Variants in KCNQ1OT1 observed in about 807,000 individuals in gnomAD.
KCNQ1OT1 encodes KCNQ1 opposite strand/antisense transcript 1.
rs1032259779 is a variant in KCNQ1OT1, at chr11:2,670,309, T to C, written n.29686A>G. On this transcript the variant is annotated non_coding_transcript_exon_variant, in exon 1 of 1. Transcript: ENST00000597346. The surrounding 1 kb of genome is among the most constrained non-coding windows in gnomAD (Gnocchi z 4.9). The stretch of plus-strand genomic sequence containing the variant: ...AACCCATAGGTGCCCAATGGAGAGA[T>C]AATCTCAAATATGGTAGCAGAGTTC... 1.3e-5 allele frequency: 5 copies of C among 398,454 alleles called. No individual in the cohort carries two copies. Among genetic ancestry groups the C allele is most frequent in the African/African-American group, 2.1e-5 (1 of 48,588 alleles). 24.7% of individuals were successfully genotyped at this position (398,454 alleles called of 1,614,324 possible). A position where few individuals can be genotyped will look rare whatever the true frequency, so the allele number is the denominator to read the frequency against.
exon 1 of KCNQ1OT1, chr11:2,660,320 C>T (rs1467658352): frequency 2.5e-6 from 1 of 398,278 alleles, no homozygotes; most frequent in African/African-American, 2.1e-5. Flanking sequence ...ACATACAACA[C>T]ATTCAAATAG....
chr11:2,675,571 A>C (rs553246219), exon 1 of KCNQ1OT1: 26 of 398,674 alleles, frequency 6.5e-5, no homozygotes, highest in African/African-American at 4.9e-4. Flanking sequence ...CATACGTAAC[A>C]GTTTCACTTC....
chr11:2,677,827 C>T lies in KCNQ1OT1; in HGVS notation n.22168G>A, dbSNP rs564239017. 1 of 398,486 alleles carries T rather than the reference C, an allele frequency of 2.5e-6. No homozygotes were observed. Among genetic ancestry groups the T allele is most frequent in the African/African-American group, 2.1e-5 (1 of 48,730 alleles). 24.7% of individuals were successfully genotyped at this position (398,486 alleles called of 1,614,324 possible). A position where few individuals can be genotyped will look rare whatever the true frequency, so the allele number is the denominator to read the frequency against. On this transcript the variant is annotated non_coding_transcript_exon_variant, in exon 1 of 1. Transcript: ENST00000597346. The surrounding 1 kb of genome is among the most constrained non-coding windows in gnomAD (Gnocchi z 4.5). The stretch of plus-strand genomic sequence containing the variant: ...ATGTTCATTTATGTTGTGATAGATA[C>T]TGCCAAATAAGGGCTGTACCATTTA...
exon 1 of KCNQ1OT1, chr11:2,692,634 C>A: frequency 2.5e-6 from 1 of 398,724 alleles, no homozygotes; most frequent in South Asian, 1.3e-4. Flanking sequence ...TGCTCCCAGG[C>A]CTCAGCACTC....
At position 2,657,155 on chromosome 11, in the gene KCNQ1OT1, C is replaced by G. The variant is rs548819496; in HGVS notation, n.42840G>C. 1 of 398,656 alleles carries G rather than the reference C, an allele frequency of 2.5e-6. No individual in the cohort carries two copies. The highest frequency in any genetic ancestry group is 2.1e-5 in the African/African-American group (1 of 48,764). 24.7% of individuals were successfully genotyped at this position (398,656 alleles called of 1,614,324 possible). A position where few individuals can be genotyped will look rare whatever the true frequency, so the allele number is the denominator to read the frequency against. On this transcript the variant is annotated non_coding_transcript_exon_variant, in exon 1 of 1. Coordinates refer to ENST00000597346, the Ensembl canonical transcript of KCNQ1OT1. The surrounding 1 kb of genome is among the most constrained non-coding windows in gnomAD (Gnocchi z 4.8). The stretch of plus-strand genomic sequence containing the variant: ...GAAGAAGTACTGATGTTTGGTACAG[C>G]AAGTTCTCCCACCTTGTTCTTCTTC...
chr11:2,645,017 C>G lies in KCNQ1OT1; in HGVS notation n.54978G>C, dbSNP rs1564843546. On this transcript the variant is annotated non_coding_transcript_exon_variant, in exon 1 of 1. Coordinates refer to ENST00000597346, the Ensembl canonical transcript of KCNQ1OT1. The surrounding 1 kb of genome is among the most constrained non-coding windows in gnomAD (Gnocchi z 5.8). Reference sequence around the variant, plus strand: ...CCAGTGTTAGCAAGTCCAGGGAAACCAATTTTGGGCCTCCAGGCAACTTGC... The same window carrying G: ...CCAGTGTTAGCAAGTCCAGGGAAACGAATTTTGGGCCTCCAGGCAACTTGC... The G allele has an allele frequency of 5.0e-6, 2 of 398,542 alleles. No individual in the cohort carries two copies. Among genetic ancestry groups the G allele is most frequent in the Non-Finnish European group, 8.8e-6 (2 of 226,144 alleles). 24.7% of individuals were successfully genotyped at this position (398,542 alleles called of 1,614,324 possible). A position where few individuals can be genotyped will look rare whatever the true frequency, so the allele number is the denominator to read the frequency against.
Position 2,628,389 on chromosome 11 carries a change from G to A in KCNQ1OT1, n.71606C>T, listed in dbSNP as rs186650003. On this transcript the variant is annotated non_coding_transcript_exon_variant, in exon 1 of 1. Transcript: ENST00000597346. ...CATTTGCATTTCCCTGATGATAAGT[G>A]ATGTTAAGCACCTTTTTATATACCT... The A allele has an allele frequency of 1.1e-3, 451 of 398,442 alleles. 10 individuals are homozygous for A. The South Asian group carries it at 0.022, about 20-fold the overall frequency. The allele number at this position is 398,442 out of a possible 1,614,324, so 24.7% of individuals were successfully genotyped here.
chr11:2,678,885 A>T lies in KCNQ1OT1; in HGVS notation n.21110T>A, dbSNP rs1850339598. ...CAGGAGTTGCCAGCTGGACCCAAGG[A>T]CCATTTCGTATACATGTATGATCAT... On this transcript the variant is annotated non_coding_transcript_exon_variant, in exon 1 of 1. Coordinates refer to ENST00000597346, the Ensembl canonical transcript of KCNQ1OT1. This position sits in a 1 kb window ranked among gnomAD's most constrained non-coding sequence, Gnocchi z 4.9. 3.5e-5 allele frequency: 14 copies of T among 398,592 alleles called. No individual in the cohort carries two copies. The East Asian group carries it at 5.0e-4, about 14-fold the overall frequency. The allele number at this position is 398,592 out of a possible 1,614,324, so 24.7% of individuals were successfully genotyped here. A position where few individuals can be genotyped will look rare whatever the true frequency, so the allele number is the denominator to read the frequency against.
exon 1 of KCNQ1OT1, chr11:2,629,129 A>T (rs961116135): frequency 2.5e-6 from 1 of 398,118 alleles, no homozygotes; most frequent in Admixed American, 4.4e-5. Flanking sequence ...TCTGTGAAAA[A>T]AAGTCACTGG....
rs1003605919 is a variant in KCNQ1OT1 at position 2,656,929 on chromosome 11, T to C, written n.43066A>G. 4 of 398,536 alleles carry C rather than the reference T, an allele frequency of 1.0e-5. No homozygotes were observed. In the Admixed American group the frequency reaches 1.8e-4, roughly 18 times the overall value. The allele number at this position is 398,536 out of a possible 1,614,324, so 24.7% of individuals were successfully genotyped here. ...TGAGGTAATTAAGGGTCCAACTTAA[T>C]GTTTTTCCAGTGTGGGTATCCAACT... On this transcript the variant is annotated non_coding_transcript_exon_variant, in exon 1 of 1. Coordinates refer to ENST00000597346, the Ensembl canonical transcript of KCNQ1OT1.
chr11:2,662,631 G>A (rs1045512044), exon 1 of KCNQ1OT1: 12 of 409,394 alleles, frequency 2.9e-5, no homozygotes, highest in Admixed American at 8.0e-5. Context: ...AATCCCCGGT[G>A]CCCGGCCACG....
rs1032063883 is a variant in KCNQ1OT1 at position 2,674,471 on chromosome 11, C to G, written n.25524G>C. On this transcript the variant is annotated non_coding_transcript_exon_variant, in exon 1 of 1. Transcript: ENST00000597346. This position sits in a 1 kb window ranked among gnomAD's most constrained non-coding sequence, Gnocchi z 5.9. ...GCACGTGGGGAGGAGGGCTGCCTGTCGAGATGTGTAAGATGGCCCCAGTGT... is the reference window on the plus strand; with the variant it reads ...GCACGTGGGGAGGAGGGCTGCCTGTGGAGATGTGTAAGATGGCCCCAGTGT... The G allele has an allele frequency of 3.8e-5, 15 of 398,450 alleles. No homozygotes were observed. The highest frequency in any genetic ancestry group is 2.2e-5 in the Non-Finnish European group (5 of 226,110). 24.7% of individuals were successfully genotyped at this position (398,450 alleles called of 1,614,324 possible).
exon 1 of KCNQ1OT1, chr11:2,632,173 ACT>A (rs1262705346): frequency 2.8e-6 from 1 of 361,156 alleles, no homozygotes; most frequent in African/African-American, 2.7e-5. Context: ...ACAGACCAAG[ACT>A]CTGCCTCAAA....
exon 1 of KCNQ1OT1, chr11:2,665,700 A>G (rs1850055462): frequency 1.0e-5 from 4 of 398,234 alleles, no homozygotes; most frequent in African/African-American, 8.3e-5. Flanking sequence ...GGAGAAGGGC[A>G]TGTATAGCCC....
chr11:2,629,446 G>A (rs1849316502), exon 1 of KCNQ1OT1: 1 of 398,272 alleles, frequency 2.5e-6, no homozygotes, highest in African/African-American at 2.1e-5. Context: ...TTTCTTCTAA[G>A]AGTTTTATAG....
rs1337073239 is a variant in KCNQ1OT1 at position 2,679,592 on chromosome 11, G to A, written n.20403C>T. The A allele has an allele frequency of 2.5e-6, 1 of 398,514 alleles. No individual in the cohort carries two copies. Among genetic ancestry groups the A allele is most frequent in the Admixed American group, 4.4e-5 (1 of 22,718 alleles). The allele number at this position is 398,514 out of a possible 1,614,324, so 24.7% of individuals were successfully genotyped here. A position where few individuals can be genotyped will look rare whatever the true frequency, so the allele number is the denominator to read the frequency against. Reference sequence around the variant, plus strand: ...GCAATTCACAGTGCCTGACAAAGCTGATGGGGAGGCGAGTTGGAATGAATA... The same window carrying A: ...GCAATTCACAGTGCCTGACAAAGCTAATGGGGAGGCGAGTTGGAATGAATA... On this transcript the variant is annotated non_coding_transcript_exon_variant, in exon 1 of 1. Transcript: ENST00000597346. The surrounding 1 kb of genome is among the most constrained non-coding windows in gnomAD (Gnocchi z 4.8).
chr11:2,613,674 G>A lies in KCNQ1OT1; in HGVS notation n.86321C>T, dbSNP rs1849016583. On this transcript the variant is annotated non_coding_transcript_exon_variant, in exon 1 of 1. Coordinates refer to ENST00000597346, the Ensembl canonical transcript of KCNQ1OT1. This position sits in a 1 kb window ranked among gnomAD's most constrained non-coding sequence, Gnocchi z 4.8. ...AGGTGCTCATTCCACCACCTCAGAA[G>A]TGGTCCCTATCTTGTTAATTTTATT... is the stretch of plus-strand genomic sequence containing the variant. 5.0e-6 allele frequency: 2 copies of A among 398,520 alleles called. No individual in the cohort carries two copies. Among genetic ancestry groups the A allele is most frequent in the Non-Finnish European group, 8.8e-6 (2 of 226,034 alleles). 24.7% of individuals were successfully genotyped at this position (398,520 alleles called of 1,614,324 possible).
exon 1 of KCNQ1OT1, chr11:2,637,637 A>G (rs914084956): frequency 6.6e-6 from 1 of 152,154 alleles, no homozygotes; most frequent in Non-Finnish European, 1.5e-5. Flanking sequence ...GTGCGATGTG[A>G]TGCTGAGAAG....
chr11:2,653,860 G>A lies in KCNQ1OT1; in HGVS notation n.46135C>T. ...GATGGCCAGAGGGTACCTAAACACT[G>A]CACACTAGGAGTGGGAAAGGAAGAG... On this transcript the variant is annotated non_coding_transcript_exon_variant, in exon 1 of 1. Coordinates refer to ENST00000597346, the Ensembl canonical transcript of KCNQ1OT1. This position sits in a 1 kb window ranked among gnomAD's most constrained non-coding sequence, Gnocchi z 5.3. 1 of 398,606 alleles carries A rather than the reference G, an allele frequency of 2.5e-6. No homozygotes were observed. Among genetic ancestry groups the A allele is most frequent in the Non-Finnish European group, 4.4e-6 (1 of 226,076 alleles). 24.7% of individuals were successfully genotyped at this position (398,606 alleles called of 1,614,324 possible).
Sources: allele counts gnomAD v4.1 joint callset, GRCh38; gene constraint gnomAD v4.1.1; non-coding constraint Gnocchi (gnomAD v3.1); transcripts MANE v1.5; gene names NCBI Gene and HGNC (gene_info 2026-07-23, HGNC 2026-07-21).